Variants in LHX1 observed in about 807,000 individuals in gnomAD.
The protein encoded by LHX1 is LIM homeobox 1.
In LHX1, 9 loss-of-function variants were observed where a neutral mutation model predicts 34.1. The ratio of observed to expected loss-of-function variants is 0.26; its 90% CI spans 0.16 to 0.46. The LOEUF is 0.46. Ranked by LOEUF, LHX1 falls within the 20% of genes least tolerant of loss-of-function variation. The pLI is 1.00. For synonymous variants in LHX1, 254 were observed against 241.5 expected (o/e 1.05, Z -0.48); for missense variants, 446 against 559.1 (o/e 0.80, Z 2.04).
chr17:36,941,757 G>A (rs1336715479), intron 3 of LHX1, among the ~76,000 whole-genome samples: 1 of 152,246 alleles, frequency 6.6e-6, no homozygotes, highest in East Asian at 1.9e-4. Context: ...AAAGGAGATT[G>A]TAGGTTTTGG....
Position 36,938,387 on chromosome 17 carries a change from G to T in LHX1, c.170+20G>T. The T allele has an allele frequency of 6.2e-7, 1 of 1,612,578 alleles. No individual in the cohort carries two copies. The highest frequency in any genetic ancestry group is 8.5e-7 in the Non-Finnish European group (1 of 1,178,724). On this transcript the variant is annotated intron_variant, in intron 1 of 4. Coordinates refer to ENST00000614239, the MANE Select transcript of LHX1 (RefSeq NM_005568.5). ...CTTCCGGTGAGTACTTTCCTCCCACGCCTCTGCTGCTACCTCCCCGCGGGC... is the reference window on the plus strand; with the variant it reads ...CTTCCGGTGAGTACTTTCCTCCCACTCCTCTGCTGCTACCTCCCCGCGGGC...
Position 36,938,039 on chromosome 17 carries a change from A to G in LHX1, c.-159A>G. ...CGATCAGCCTCGTTTCCTCCACCCT[A>G]CTTTGATTTCCTGGTGCGAGTTTTG... is the stretch of plus-strand genomic sequence containing the variant. On this transcript the variant is annotated 5_prime_UTR_variant, in exon 1 of 5. Transcript: ENST00000614239. The G allele has an allele frequency of 2.9e-6, 2 of 693,728 alleles. No homozygotes were observed. The highest frequency in any genetic ancestry group is 5.0e-6 in the Non-Finnish European group (2 of 400,974). 43.0% of individuals were successfully genotyped at this position (693,728 alleles called of 1,614,324 possible).
Position 36,940,494 on chromosome 17 carries a change from C to G in LHX1, c.375C>G (p.Ala125=), listed in dbSNP as rs930503760. The G allele has an allele frequency of 6.2e-7, 1 of 1,614,004 alleles. No homozygotes were observed. The highest frequency in any genetic ancestry group is 2.2e-5 in the East Asian group (1 of 44,884). Residue 125 remains alanine (A), a synonymous_variant, in exon 2 of 5, where the codon GCC becomes GCG. Transcript: ENST00000614239. ...KEDYLSNSSV[A]KENSLHSATT... ...ATTACCTAAGTAACAGCAGTGTTGC[C>G]AAAGAGAACAGCCTTCACTCGGGTG...
At chr17:36,941,248 C>CCTGCCTTCTG (rs2070763531) in intron 3 of LHX1, 4 of 525,514 alleles carry the variant, frequency 7.6e-6, no homozygotes, top group Non-Finnish European at 1.4e-5. Flanking sequence ...TCAGTGTCCC[C>CCTGCCTTCTG]CAGAGTCAAT....
chr17:36,937,907 C>A lies in LHX1; in HGVS notation c.-291C>A. 1 of 597,050 alleles carries A rather than the reference C, an allele frequency of 1.7e-6. No homozygotes were observed. The highest frequency in any genetic ancestry group is 3.1e-6 in the Non-Finnish European group (1 of 326,230). 37.0% of individuals were successfully genotyped at this position (597,050 alleles called of 1,614,324 possible). A position where few individuals can be genotyped will look rare whatever the true frequency, so the allele number is the denominator to read the frequency against. On this transcript the variant is annotated 5_prime_UTR_variant, in exon 1 of 5. Transcript: ENST00000614239. ...TGAGCAGAAGGGTCGCATTCTCTCC[C>A]GCCTGAGACTTCTTTTCCTCGCCCC...
At position 36,940,283 on chromosome 17, in the gene LHX1, C is replaced by G. The variant is rs776188380; in HGVS notation, c.171-7C>G. The G allele has an allele frequency of 2.4e-6, 3 of 1,253,608 alleles. No homozygotes were observed. Among genetic ancestry groups the G allele is most frequent in the South Asian group, 2.6e-5 (2 of 78,386 alleles). The allele number at this position is 1,253,608 out of a possible 1,614,324, so 77.7% of individuals were successfully genotyped here. A position where few individuals can be genotyped will look rare whatever the true frequency, so the allele number is the denominator to read the frequency against. ...CGCCCCCGCCCCCCACCCCCACCCC[C>G]CCGCAGGTGTTTCGGTACCAAATGC... On this transcript the variant is annotated splice_polypyrimidine_tract_variant and splice_region_variant and intron_variant, in intron 1 of 4. Coordinates refer to ENST00000614239, the MANE Select transcript of LHX1 (RefSeq NM_005568.5).
chr17:36,936,927 C>T (rs1225568226), upstream of LHX1: 1 of 219,744 alleles, frequency 4.6e-6, no homozygotes, highest in Non-Finnish European at 9.3e-6. Context: ...AGCGGCGGTC[C>T]GCGCCGAGCC....
Position 36,938,673 on chromosome 17 carries a change from G to GTA in LHX1, c.170+307_170+308dup, listed in dbSNP as rs2070745511. On this transcript the variant is annotated intron_variant, in intron 1 of 4. Coordinates refer to ENST00000614239, the MANE Select transcript of LHX1 (RefSeq NM_005568.5). ...AAGAGACAGGGCAGCCTCGGGCGTTGTAGCCCGGACTGCTGTCTTTCCCGG... is the reference window on the plus strand; with the variant it reads ...AAGAGACAGGGCAGCCTCGGGCGTTGTATAGCCCGGACTGCTGTCTTTCCCGG... 5 of 516,486 alleles carry GTA rather than the reference G, an allele frequency of 9.7e-6. No homozygotes were observed. In the Middle Eastern group the frequency reaches 2.7e-3, roughly 274 times the overall value. The allele number at this position is 516,486 out of a possible 1,614,324, so 32.0% of individuals were successfully genotyped here.
intron 3 of LHX1, 57 bp from the exon 4 acceptor site, chr17:36,942,143 C>T: frequency 6.5e-7 from 1 of 1,532,520 alleles, no homozygotes; most frequent in Non-Finnish European, 8.8e-7. Flanking sequence ...AGGCCCGGAG[C>T]ACCCCGGGGT....
intron 1 of LHX1, among the ~76,000 whole-genome samples, chr17:36,939,040 A>G (rs1369376883): frequency 6.6e-6 from 1 of 152,186 alleles, no homozygotes; most frequent in Non-Finnish European, 1.5e-5. Context: ...CTTCAGCCCC[A>G]GGTGACTCCG....
At position 36,938,038 on chromosome 17, in the gene LHX1, T is replaced by TA; in HGVS notation, c.-159dup. 1.4e-6 allele frequency: 1 copy of TA among 693,466 alleles called. No homozygotes were observed. The highest frequency in any genetic ancestry group is 1.7e-5 in the South Asian group (1 of 57,730). 43.0% of individuals were successfully genotyped at this position (693,466 alleles called of 1,614,324 possible). The stretch of plus-strand genomic sequence containing the variant: ...CCGATCAGCCTCGTTTCCTCCACCC[T>TA]ACTTTGATTTCCTGGTGCGAGTTTT... On this transcript the variant is annotated 5_prime_UTR_variant, in exon 1 of 5. Coordinates refer to ENST00000614239, the MANE Select transcript of LHX1 (RefSeq NM_005568.5).
rs1367882675 is a variant in LHX1 at position 36,943,332 on chromosome 17, C to G, written c.*201C>G. ...TCGGCCTCGAGGTGGGACTGGGATC[C>G]GCGCACTGGCTGTCGACGTGCAGAA... On this transcript the variant is annotated 3_prime_UTR_variant, in exon 5 of 5. Transcript: ENST00000614239. 3 of 600,608 alleles carry G rather than the reference C, an allele frequency of 5.0e-6. No homozygotes were observed. Among genetic ancestry groups the G allele is most frequent in the African/African-American group, 3.8e-5 (2 of 52,594 alleles). The allele number at this position is 600,608 out of a possible 1,614,324, so 37.2% of individuals were successfully genotyped here. A position where few individuals can be genotyped will look rare whatever the true frequency, so the allele number is the denominator to read the frequency against.
chr17:36,940,562 G>A, intron 2 of LHX1, 46 bp downstream of exon 2: 1 of 1,613,674 alleles, frequency 6.2e-7, no homozygotes. Flanking sequence ...GGGTCCTGGG[G>A]GAGGAAGGCT....
Position 36,942,351 on chromosome 17 carries a change from TCTC to T in LHX1, c.830_832del (p.Ser277del), listed in dbSNP as rs1351265854. The T allele has an allele frequency of 7.6e-6, 12 of 1,585,454 alleles. No homozygotes were observed. Among genetic ancestry groups the T allele is most frequent in the Non-Finnish European group, 3.4e-6 (4 of 1,167,016 alleles). On this transcript the variant is annotated inframe_deletion, in exon 4 of 5. Transcript: ENST00000614239. ...GGCGAGCTCATCCCCAATGGTCCCT[TCTC>T]CTTCTACGGAGGTGGGTGCGCGCCG... is the stretch of plus-strand genomic sequence containing the variant.
At chr17:36,942,678 G>C (rs1597690293) in intron 4 of LHX1, 74 bp from the exon 5 acceptor site, 1 of 1,399,450 alleles carries the variant, frequency 7.1e-7, no homozygotes, top group East Asian at 2.7e-5. Flanking sequence ...CCGAGGTCGC[G>C]TCTTCCCTCC....
chr17:36,942,287 C>T lies in LHX1; in HGVS notation c.763C>T (p.Pro255Ser). 3 of 1,596,714 alleles carry T rather than the reference C, an allele frequency of 1.9e-6. No homozygotes were observed. The highest frequency in any genetic ancestry group is 2.6e-6 in the Non-Finnish European group (3 of 1,173,280). ...CCGGCGCCACGCCTTCTTCCGCAGTCCGCGCCGGATGCGGCCGCTGGTGGA... is the reference window on the plus strand; with the variant it reads ...CCGGCGCCACGCCTTCTTCCGCAGTTCGCGCCGGATGCGGCCGCTGGTGGA... ...GARRHAFFRS[P>S]RRMRPLVDRL... The change falls in exon 4 of 5, where the codon CCG becomes TCG. Residue 255 changes from proline to serine, a missense_variant. Coordinates refer to ENST00000614239, the MANE Select transcript of LHX1 (RefSeq NM_005568.5).
In LHX1 at chr17:36,943,241, G is replaced by A; in HGVS notation, c.*110G>A. The A allele has an allele frequency of 7.8e-7, 1 of 1,289,946 alleles. No homozygotes were observed. The highest frequency in any genetic ancestry group is 1.5e-5 in the South Asian group (1 of 67,326). 79.9% of individuals were successfully genotyped at this position (1,289,946 alleles called of 1,614,324 possible). A position where few individuals can be genotyped will look rare whatever the true frequency, so the allele number is the denominator to read the frequency against. On this transcript the variant is annotated 3_prime_UTR_variant, in exon 5 of 5. Coordinates refer to ENST00000614239, the MANE Select transcript of LHX1 (RefSeq NM_005568.5). ...AGCAAGTCCCCACCCCCTTCCTCCAGCCTCGAGAACCATTCTCCTTCTGGG... is the reference window on the plus strand; with the variant it reads ...AGCAAGTCCCCACCCCCTTCCTCCAACCTCGAGAACCATTCTCCTTCTGGG...
Position 36,940,341 on chromosome 17 carries a change from C to T in LHX1, c.222C>T (p.Asp74=), listed in dbSNP as rs1165371501. 1 of 1,588,842 alleles carries T rather than the reference C, an allele frequency of 6.3e-7. No individual in the cohort carries two copies. The highest frequency in any genetic ancestry group is 1.4e-5 in the African/African-American group (1 of 73,718). Residue 74 remains aspartate (D), a synonymous_variant, in exon 2 of 5, where the codon GAC becomes GAT. Transcript: ENST00000614239. ...AGCAQGISPS[D]LVRRARSKVF... is the part of the protein sequence containing the mutation. ...GCGCTCAGGGCATCTCCCCTAGCGA[C>T]CTGGTGCGGAGAGCGCGGAGCAAAG...
At position 36,942,937 on chromosome 17, in the gene LHX1, T is replaced by C; in HGVS notation, c.1027T>C (p.Phe343Leu). 6.2e-7 allele frequency: 1 copy of C among 1,607,256 alleles called. No individual in the cohort carries two copies. Among genetic ancestry groups the C allele is most frequent in the Non-Finnish European group, 8.5e-7 (1 of 1,177,500 alleles). ...CCACCCGTCGAGCGAGGCGCAGCGG[T>C]TTACCGACATCCTGGCGCACCCACC... ...GHHPSSEAQR[F>L]TDILAHPPGD... The change falls in exon 5 of 5, where the codon TTT (phenylalanine) becomes CTT (leucine). Residue 343 changes from phenylalanine (F) to leucine (L), a missense_variant. Around this residue, in one of 3 missense-constraint regions of LHX1, gnomAD observed 235 missense variants for 224.4 expected, o/e 1.05. Transcript: ENST00000614239.
Sources: gnomAD v4.1 joint callset for allele counts (sites outside exome capture counted in the v4.1 genomes callset) on GRCh38, gnomAD v4.1.1 for gene constraint, gnomAD v4.1.1 regional missense constraint, MANE v1.5 for transcripts, NCBI Gene and HGNC (gene_info 2026-07-23, HGNC 2026-07-21) for gene names.